SLC30A8: variants seen among roughly 807,000 people sequenced by gnomAD.
SLC30A8 encodes the protein solute carrier family 30 member 8, also known as proton-coupled zinc antiporter SLC30A8.
Under a neutral mutation model 36.9 loss-of-function variants are expected in SLC30A8, and 27 were observed. That is an observed-to-expected ratio of 0.73 (90% CI 0.54 to 1.01). The LOEUF is 1.01. Ranked by LOEUF, SLC30A8 falls within the 50% of genes least tolerant of loss-of-function variation. SLC30A8 has a pLI of 0.00. For synonymous variants in SLC30A8, 164 were observed against 172.4 expected, an observed-to-expected ratio of 0.95 and a Z score of 0.38; for missense variants, 439 against 452.0, an observed-to-expected ratio of 0.97 and a Z score of 0.26.
chr8:116,971,846 T>C (rs1185123090), intron 1 of SLC30A8, among the ~76,000 whole-genome samples: 3 of 152,198 alleles, frequency 2.0e-5, no homozygotes, highest in Non-Finnish European at 4.4e-5. Context: ...ATAATGCAAA[T>C]TGAGTATGGC....
chr8:117,141,952 C>T (rs960306329), intron 1 of SLC30A8, among the ~76,000 whole-genome samples: 3 of 152,124 alleles, frequency 2.0e-5, no homozygotes, highest in African/African-American at 7.2e-5. Flanking sequence ...TTCCTATTTT[C>T]AGATGGGGAA....
chr8:117,101,819 A>G (rs922057221), intron 2 of SLC30A8, among the ~76,000 whole-genome samples: 2 of 152,216 alleles, frequency 1.3e-5, no homozygotes, highest in Non-Finnish European at 2.9e-5. Flanking sequence ...TCGGACTTCA[A>G]GTTCTTCAGC....
intron 1 of SLC30A8, among the ~76,000 whole-genome samples, chr8:116,986,628 T>C (rs1400050056): frequency 6.6e-6 from 1 of 152,104 alleles, no homozygotes; most frequent in Admixed American, 6.6e-5. Context: ...TGTATGGTGT[T>C]CAGGGAGAAT....
At chr8:117,045,706 C>T (rs1817529493) in intron 2 of SLC30A8, among the ~76,000 whole-genome samples, 1 of 152,192 alleles carries the variant, frequency 6.6e-6, no homozygotes, top group African/African-American at 2.4e-5. Context: ...ACTCTGCTCG[C>T]AGCAGCAGTC....
chr8:117,010,587 T>G (rs1476402730), intron 1 of SLC30A8, among the ~76,000 whole-genome samples: 1 of 152,230 alleles, frequency 6.6e-6, no homozygotes, highest in East Asian at 1.9e-4. Context: ...GAGTTCTACA[T>G]TCACAGATGT....
At chr8:116,965,437 T>C (rs1188891269) in intron 1 of SLC30A8, among the ~76,000 whole-genome samples, 1 of 152,208 alleles carries the variant, frequency 6.6e-6, no homozygotes, top group Non-Finnish European at 1.5e-5. Flanking sequence ...AATATGTTCC[T>C]CCAAGTCAAG....
At chr8:117,154,694 C>A (rs201409867) in intron 3 of SLC30A8, among the ~76,000 whole-genome samples, 1 of 152,160 alleles carries the variant, frequency 6.6e-6, no homozygotes, top group South Asian at 2.1e-4. Context: ...AAAACATGGA[C>A]CTGTAGCTAA....
chr8:117,152,447 C>T (rs1038971424), intron 2 of SLC30A8, among the ~76,000 whole-genome samples: 10 of 152,052 alleles, frequency 6.6e-5, no homozygotes, highest in Non-Finnish European at 1.2e-4. Flanking sequence ...GGATTTCAAG[C>T]TCAGGTGGAT....
chr8:117,174,270 G>C lies in SLC30A8; in HGVS notation c.*1589G>C, dbSNP rs1411182615. The C allele has an allele frequency of 1.3e-5, 2 of 152,062 alleles. No individual in the cohort carries two copies. Among genetic ancestry groups the C allele is most frequent in the East Asian group, 1.9e-4 (1 of 5,174 alleles). The allele number at this position is 152,062 out of a possible 1,614,324, so 9.4% of individuals were successfully genotyped here. On this transcript the variant is annotated 3_prime_UTR_variant, in exon 8 of 8. Transcript: ENST00000456015. ...AGGCAATGACTCTGAGGCTATATCT[G>C]GGCCTTGTCATTATTTATCATTTAT...
intron 1 of SLC30A8, among the ~76,000 whole-genome samples, chr8:117,011,721 A>G (rs1405235472): frequency 1.3e-5 from 2 of 152,190 alleles, no homozygotes; most frequent in Non-Finnish European, 2.9e-5. Flanking sequence ...AAAATACTCA[A>G]TCCTCCAAAA....
intron 1 of SLC30A8, among the ~76,000 whole-genome samples, chr8:116,993,597 A>G (rs1284317414): frequency 1.3e-5 from 2 of 152,010 alleles, no homozygotes; most frequent in Admixed American, 1.3e-4. Context: ...TGTTAAAAAT[A>G]GAGGAAAAGT....
intron 1 of SLC30A8, among the ~76,000 whole-genome samples, chr8:117,010,847 CT>C (rs1816319918): frequency 6.6e-6 from 1 of 152,128 alleles, no homozygotes; most frequent in South Asian, 2.1e-4. Context: ...GTGCTGTACA[CT>C]TTTAAACAAC....
chr8:117,164,718 CT>C (rs1158690000), intron 6 of SLC30A8, among the ~76,000 whole-genome samples: 1 of 152,138 alleles, frequency 6.6e-6, no homozygotes, highest in Admixed American at 6.6e-5. Flanking sequence ...TATTAGAGAT[CT>C]TAACACGGCT....
At chr8:117,027,282 AGT>A (rs1816906465) in intron 1 of SLC30A8, among the ~76,000 whole-genome samples, 1 of 152,124 alleles carries the variant, frequency 6.6e-6, no homozygotes. Context: ...CACCCAAGCA[AGT>A]GCTCATGAGG....
intron 2 of SLC30A8, among the ~76,000 whole-genome samples, chr8:117,096,438 C>G: frequency 6.6e-6 from 1 of 151,994 alleles, no homozygotes; most frequent in East Asian, 1.9e-4. Context: ...GAATGGAACC[C>G]AATTGGTTCT....
At chr8:117,119,742 A>G (rs1299014708) in intron 2 of SLC30A8, among the ~76,000 whole-genome samples, 1 of 151,956 alleles carries the variant, frequency 6.6e-6, no homozygotes, top group East Asian at 1.9e-4. Context: ...CTATATTAAG[A>G]TAAAATGTAA....
At chr8:117,028,007 A>G (rs1816925040) in intron 1 of SLC30A8, among the ~76,000 whole-genome samples, 1 of 152,186 alleles carries the variant, frequency 6.6e-6, no homozygotes. Flanking sequence ...ACTGTTTGGC[A>G]GACTATATTT....
chr8:117,004,598 A>G (rs1190914330), intron 1 of SLC30A8, among the ~76,000 whole-genome samples: 4 of 152,120 alleles, frequency 2.6e-5, no homozygotes, highest in African/African-American at 9.7e-5. Flanking sequence ...AAGCAAGTCT[A>G]CTTCATGGTA....
intron 1 of SLC30A8, among the ~76,000 whole-genome samples, chr8:117,022,022 G>T (rs1218600717): frequency 6.6e-6 from 1 of 151,574 alleles, no homozygotes; most frequent in Non-Finnish European, 1.5e-5. Flanking sequence ...AAAAAGGTAA[G>T]TTCCTTCTCT....
Sources: gnomAD v4.1 joint callset for allele counts (sites outside exome capture counted in the v4.1 genomes callset) on GRCh38, gnomAD v4.1.1 for gene constraint, MANE v1.5 for transcripts, NCBI Gene and HGNC (gene_info 2026-07-23, HGNC 2026-07-21) for gene names.